The following ZNF169 variants were observed in gnomAD, a reference collection of about 807,000 sequenced individuals.
The protein encoded by ZNF169 is zinc finger protein 169.
A neutral mutation model predicts 12.0 loss-of-function variants in ZNF169; 11 were observed. That is an observed-to-expected ratio of 0.92 (90% CI 0.58 to 1.52). The LOEUF is 1.52. Ranked by LOEUF, ZNF169 falls within the 40% of genes most tolerant of loss-of-function variation. The pLI, the probability that ZNF169 is intolerant of heterozygous loss-of-function variation, is 0.00. For synonymous variants in ZNF169, 302 were observed against 286.5 expected, an observed-to-expected ratio of 1.05 and a Z score of -0.55; for missense variants, 722 against 744.0, an observed-to-expected ratio of 0.97 and a Z score of 0.34.
intron 3 of ZNF169, 53 bp from the exon 4 acceptor site, chr9:94,292,921 G>C: frequency 6.7e-7 from 1 of 1,500,368 alleles, no homozygotes; most frequent in Non-Finnish European, 9.1e-7. Context: ...TTCTGAGATA[G>C]CCTCTTAAGC....
chr9:94,280,273 T>C (rs886506124), intron 2 of ZNF169, among the ~76,000 whole-genome samples: 2 of 152,218 alleles, frequency 1.3e-5, no homozygotes, highest in Non-Finnish European at 2.9e-5. Context: ...AAAATGTGTA[T>C]GTAGCACAGG....
chr9:94,279,498 A>G (rs1011094094), intron 2 of ZNF169, among the ~76,000 whole-genome samples: 28 of 151,072 alleles, frequency 1.9e-4, no homozygotes, highest in African/African-American at 2.4e-5. Context: ...AAAATGGCGC[A>G]GGACAGTGGC....
rs1034818033 is a variant in ZNF169 at position 94,259,358 on chromosome 9, T to C, written c.-56+13T>C. 6.6e-6 allele frequency: 1 copy of C among 152,460 alleles called. No homozygotes were observed. Among genetic ancestry groups the C allele is most frequent in the African/African-American group, 2.4e-5 (1 of 41,478 alleles). The allele number at this position is 152,460 out of a possible 1,614,324, so 9.4% of individuals were successfully genotyped here. On this transcript the variant is annotated intron_variant, in intron 1 of 4. Transcript: ENST00000395395. ...CGCCTGGTGCGTGGTGAGTGTCCTT[T>C]CACAGTTCTGGTGAGCTAGCCCGGA... is the stretch of plus-strand genomic sequence containing the variant.
At chr9:94,270,133 A>G (rs975661958) in intron 1 of ZNF169, among the ~76,000 whole-genome samples, 19 of 152,208 alleles carry the variant, frequency 1.2e-4, no homozygotes, top group African/African-American at 4.6e-4. Context: ...GTTACATCCC[A>G]GCCTTGTATA....
rs369966911 is a variant in ZNF169, at chr9:94,301,287, C to T, written c.1729C>T (p.Arg577Cys). The T allele has an allele frequency of 3.7e-5, 59 of 1,614,068 alleles. No homozygotes were observed. Among genetic ancestry groups the T allele is most frequent in the Non-Finnish European group, 4.8e-5 (57 of 1,180,040 alleles). Residue 577 changes from arginine to cysteine, a missense_variant, in exon 5 of 5, where the codon CGT (arginine) becomes TGT (cysteine). Coordinates refer to ENST00000395395, the MANE Select transcript of ZNF169 (RefSeq NM_194320.4). ...EKPYVCRECG[R>C]GFSQKSHLHR... Reference sequence around the variant, plus strand: ...GCCGTATGTCTGCAGGGAGTGTGGGCGTGGCTTTAGCCAGAAGTCTCACTT... The same window carrying T: ...GCCGTATGTCTGCAGGGAGTGTGGGTGTGGCTTTAGCCAGAAGTCTCACTT...
chr9:94,266,922 T>TC lies in ZNF169; in HGVS notation c.-56+7577_-56+7578insC, dbSNP rs1408596781. The stretch of plus-strand genomic sequence containing the variant: ...TATTTTTCGTGTAGGCCTTTTTTTT[T>TC]TTTTTAAGACAGAGTCTCACTCTGT... On this transcript the variant is annotated intron_variant, in intron 1 of 4. Coordinates refer to ENST00000395395, the MANE Select transcript of ZNF169 (RefSeq NM_194320.4). 2.0e-4 allele frequency among the ~76,000 whole-genome samples: 30 copies of TC among 151,578 alleles called. No homozygotes were observed. In the East Asian group the frequency reaches 5.7e-3, roughly 29 times the overall value.
intron 2 of ZNF169, chr9:94,288,467 G>T: frequency 1.1e-6 from 1 of 943,958 alleles, no homozygotes. Context: ...TTCAAATCAA[G>T]CTTTATTAAG....
chr9:94,264,899 C>T (rs1240658005), intron 1 of ZNF169, among the ~76,000 whole-genome samples: 1 of 151,640 alleles, frequency 6.6e-6, no homozygotes, highest in African/African-American at 2.4e-5. Context: ...TTTATCCATT[C>T]TCCTTTTTCT....
At chr9:94,294,087 A>C (rs1443532623) in intron 4 of ZNF169, 2 of 152,174 alleles carry the variant, frequency 1.3e-5, no homozygotes, top group Non-Finnish European at 2.9e-5. Flanking sequence ...TTGGCTATGA[A>C]ATAATCTTGC....
At chr9:94,269,458 C>T (rs1459704669) in intron 1 of ZNF169, among the ~76,000 whole-genome samples, 6 of 152,178 alleles carry the variant, frequency 3.9e-5, no homozygotes, top group Admixed American at 3.3e-4. Context: ...ATGCATGAAA[C>T]AGCCCTCTGG....
At chr9:94,279,564 C>T (rs1030503655) in intron 2 of ZNF169, among the ~76,000 whole-genome samples, 3 of 150,524 alleles carry the variant, frequency 2.0e-5, no homozygotes, top group African/African-American at 4.9e-5. Flanking sequence ...CGCTTGAGCC[C>T]GGGAGGCGGA....
intron 2 of ZNF169, among the ~76,000 whole-genome samples, chr9:94,292,009 A>G (rs1830849944): frequency 6.6e-6 from 1 of 152,260 alleles, no homozygotes; most frequent in Non-Finnish European, 1.5e-5. Context: ...GGCACAGGCT[A>G]TTTTAGAATA....
intron 4 of ZNF169, among the ~76,000 whole-genome samples, chr9:94,298,164 T>TA (rs746839233): frequency 1.4e-3 from 189 of 136,456 alleles, no homozygotes; most frequent in East Asian, 3.8e-3. Flanking sequence ...GAGACTCCTT[T>TA]AAAAAAAAAA....
chr9:94,288,087 A>G (rs1830753019), intron 2 of ZNF169: 4 of 798,300 alleles, frequency 5.0e-6, no homozygotes, highest in Non-Finnish European at 9.0e-6. Context: ...CTCAAAATTC[A>G]TCTGGTAGCT....
At chr9:94,271,356 C>T (rs1322521657) in intron 1 of ZNF169, among the ~76,000 whole-genome samples, 2 of 151,890 alleles carry the variant, frequency 1.3e-5, no homozygotes, top group Admixed American at 6.6e-5. Flanking sequence ...CTCAGTTCCC[C>T]AAAGTGCTGG....
At position 94,300,530 on chromosome 9, in the gene ZNF169, G is replaced by A. The variant is rs1032745325; in HGVS notation, c.972G>A (p.Gly324=). 1 of 1,614,104 alleles carries A rather than the reference G, an allele frequency of 6.2e-7. No individual in the cohort carries two copies. The highest frequency in any genetic ancestry group is 1.3e-5 in the African/African-American group (1 of 74,942). ...GGCCCTTTGTATGTCAGGAGTGTGG[G>A]CGAGGCTTTCGCCAGAAGATAGCCC... is the stretch of plus-strand genomic sequence containing the variant. ...GERPFVCQEC[G]RGFRQKIALL... The change falls in exon 5 of 5, where the codon GGG becomes GGA. Residue 324 remains glycine (G), a synonymous_variant. Transcript: ENST00000395395.
intron 4 of ZNF169, among the ~76,000 whole-genome samples, chr9:94,297,001 C>T (rs1490932674): frequency 6.6e-6 from 1 of 150,574 alleles, no homozygotes; most frequent in African/African-American, 2.5e-5. Context: ...GAGCCGAGAT[C>T]ACACTATTGC....
At chr9:94,282,341 G>C (rs926491834) in intron 2 of ZNF169, among the ~76,000 whole-genome samples, 3 of 152,168 alleles carry the variant, frequency 2.0e-5, no homozygotes, top group Admixed American at 6.5e-5. Flanking sequence ...AGGCAGTTGG[G>C]ATACATCTTA....
chr9:94,266,767 T>C (rs960742630), intron 1 of ZNF169, among the ~76,000 whole-genome samples: 1 of 152,228 alleles, frequency 6.6e-6, no homozygotes, highest in African/African-American at 2.4e-5. Flanking sequence ...ACAACAGGTG[T>C]ACTGTAGTTT....
Sources: gnomAD v4.1 joint callset for allele counts (sites outside exome capture counted in the v4.1 genomes callset) on GRCh38, gnomAD v4.1.1 for gene constraint, MANE v1.5 for transcripts, NCBI Gene and HGNC (gene_info 2026-07-23, HGNC 2026-07-21) for gene names.